Variants in MATN2 observed in about 807,000 individuals in gnomAD.
MATN2 encodes matrilin-2.
In MATN2, 69 loss-of-function variants were observed where a neutral mutation model predicts 103.2. That is an observed-to-expected ratio of 0.67 (90% CI 0.55 to 0.82). The LOEUF (loss-of-function observed/expected upper bound fraction) is 0.82, where lower values mean the gene tolerates loss of function less well. MATN2 is among the 40% of genes least tolerant of loss of function. The pLI, the probability that MATN2 is intolerant of heterozygous loss-of-function variation, is 0.00. For missense variants in MATN2, 1,023 were observed against 1,211.5 expected, an observed-to-expected ratio of 0.84 and a Z score of 2.31; for synonymous variants, 429 against 450.2, an observed-to-expected ratio of 0.95 and a Z score of 0.60.
At chr8:98,034,297 A>C in intron 18 of MATN2, 1 of 416,670 alleles carries the variant, frequency 2.4e-6, no homozygotes, top group Non-Finnish European at 4.9e-6. Context: ...AGAAAAGAGG[A>C]TTCGGTGCTT....
At chr8:97,957,696 G>A (rs993649459) in intron 4 of MATN2, among the ~76,000 whole-genome samples, 7 of 152,188 alleles carry the variant, frequency 4.6e-5, no homozygotes, top group South Asian at 2.1e-4. Flanking sequence ...AAGCTGAACC[G>A]TAGGGTCTCA....
chr8:97,960,931 C>T (rs1401045994), intron 4 of MATN2, among the ~76,000 whole-genome samples: 9 of 152,158 alleles, frequency 5.9e-5, no homozygotes, highest in African/African-American at 4.8e-5. Flanking sequence ...TCTCCTGCCT[C>T]GGCCTCCTGA....
chr8:97,944,538 T>C lies in MATN2; in HGVS notation c.835+2639T>C, dbSNP rs181844384. 2.7e-3 allele frequency among the ~76,000 whole-genome samples: 415 copies of C among 152,354 alleles called. 1 individual carries two copies. Among genetic ancestry groups the C allele is most frequent in the Non-Finnish European group, 4.4e-3 (300 of 68,028 alleles). On this transcript the variant is annotated intron_variant, in intron 4 of 18. Transcript: ENST00000254898. ...CCTTCACTGTCTGCAGATCTGGGCTTGAACCCGACCTTATCACTTACCAAC... is the reference window on the plus strand; with the variant it reads ...CCTTCACTGTCTGCAGATCTGGGCTCGAACCCGACCTTATCACTTACCAAC...
chr8:97,914,987 C>T (rs1257378863), intron 2 of MATN2, among the ~76,000 whole-genome samples: 2 of 152,008 alleles, frequency 1.3e-5, no homozygotes, highest in Admixed American at 1.3e-4. Flanking sequence ...TTTGTTGTTG[C>T]TTTGTTTTTT....
At chr8:97,936,957 G>T (rs1349318770) in intron 3 of MATN2, among the ~76,000 whole-genome samples, 1 of 152,134 alleles carries the variant, frequency 6.6e-6, no homozygotes, top group Admixed American at 6.5e-5. Flanking sequence ...CTAAAAGGAG[G>T]GGGGAGTGCA....
intron 14 of MATN2, among the ~76,000 whole-genome samples, chr8:98,030,141 A>G (rs1813957950): frequency 6.6e-6 from 1 of 152,204 alleles, no homozygotes. Flanking sequence ...CAAGCCATAA[A>G]ATAGGGCTCA....
At chr8:97,973,845 T>C (rs1032694216) in intron 5 of MATN2, among the ~76,000 whole-genome samples, 1 of 151,842 alleles carries the variant, frequency 6.6e-6, no homozygotes. Context: ...GCTGGGATTA[T>C]ATAAAAATCT....
At chr8:97,886,603 GA>G (rs1178647605) in intron 1 of MATN2, among the ~76,000 whole-genome samples, 1 of 152,166 alleles carries the variant, frequency 6.6e-6, no homozygotes, top group Non-Finnish European at 1.5e-5. Flanking sequence ...ATATTAAAAA[GA>G]GTGAGCTAGT....
At chr8:97,998,390 C>T (rs1277897137) in intron 7 of MATN2, among the ~76,000 whole-genome samples, 4 of 150,640 alleles carry the variant, frequency 2.7e-5, no homozygotes, top group East Asian at 2.0e-4. Context: ...GGCTTGGTGG[C>T]GGGCGCCTGT....
At position 97,931,393 on chromosome 8, in the gene MATN2, G is replaced by A; in HGVS notation, c.583G>A (p.Gly195Ser). 6.2e-7 allele frequency: 1 copy of A among 1,613,828 alleles called. No individual in the cohort carries two copies. The highest frequency in any genetic ancestry group is 8.5e-7 in the Non-Finnish European group (1 of 1,179,886). The change falls in exon 3 of 19, where the codon GGT becomes AGT. Residue 195 changes from glycine to serine, a missense_variant. By Grantham distance (56) the Gly-to-Ser change is moderately conservative. Transcript: ENST00000254898. This position sits in a 1 kb window ranked among gnomAD's most constrained non-coding sequence, Gnocchi z 4.1. ...CACGGGCATCCTAATCTTTGCCATT[G>A]GTGTGGGCCAGGTAGACTTCAACAC... ...RDTGILIFAI[G>S]VGQVDFNTLK...
chr8:97,999,097 T>C (rs1812697922), intron 7 of MATN2, among the ~76,000 whole-genome samples: 1 of 152,244 alleles, frequency 6.6e-6, no homozygotes, highest in Non-Finnish European at 1.5e-5. Flanking sequence ...CATAGAATAT[T>C]TGTCCTTTTG....
At chr8:98,012,809 C>G (rs1249061817) in intron 10 of MATN2, among the ~76,000 whole-genome samples, 1 of 152,206 alleles carries the variant, frequency 6.6e-6, no homozygotes, top group African/African-American at 2.4e-5. Context: ...GCCCCCAGGA[C>G]AGCTAAGACC....
intron 5 of MATN2, among the ~76,000 whole-genome samples, chr8:97,971,991 T>C (rs562789852): frequency 6.8e-6 from 1 of 146,464 alleles, no homozygotes; most frequent in African/African-American, 2.5e-5. Flanking sequence ...AGCTCAGGAG[T>C]TCGAGACCAG....
intron 2 of MATN2, among the ~76,000 whole-genome samples, chr8:97,901,535 G>A (rs1437734085): frequency 6.6e-6 from 1 of 152,208 alleles, no homozygotes; most frequent in African/African-American, 2.4e-5. Flanking sequence ...TTACAGGCGT[G>A]AGCCACTGCA....
intron 13 of MATN2, chr8:98,025,312 G>C (rs1351016864): frequency 6.3e-6 from 1 of 159,948 alleles, no homozygotes; most frequent in African/African-American, 2.4e-5. Context: ...ATGACGTTAA[G>C]CATTTTATAC....
At chr8:98,019,292 A>C (rs1451028159) in intron 12 of MATN2, among the ~76,000 whole-genome samples, 1 of 152,048 alleles carries the variant, frequency 6.6e-6, no homozygotes, top group Non-Finnish European at 1.5e-5. Context: ...GGCTCACACA[A>C]TTGTCAGGGG....
At chr8:97,957,129 C>A (rs1811169648) in intron 4 of MATN2, among the ~76,000 whole-genome samples, 1 of 152,176 alleles carries the variant, frequency 6.6e-6, no homozygotes, top group Non-Finnish European at 1.5e-5. Context: ...GAAGCCTTAA[C>A]TCCAGCCAAC....
intron 6 of MATN2, among the ~76,000 whole-genome samples, chr8:97,988,485 G>T (rs1812280153): frequency 6.6e-6 from 1 of 151,770 alleles, no homozygotes; most frequent in East Asian, 1.9e-4. Context: ...AATTAACTGG[G>T]CATGGTGGCA....
Position 97,982,889 on chromosome 8 carries a change from A to C in MATN2, c.1081+3881A>C, listed in dbSNP as rs1309196766. On this transcript the variant is annotated intron_variant, in intron 6 of 18. Coordinates refer to ENST00000254898, the MANE Select transcript of MATN2 (RefSeq NM_002380.5). The surrounding 1 kb of genome is among the most constrained non-coding windows in gnomAD (Gnocchi z 4.3). ...GGCATTAAATACACTCACATTGTGA[A>C]AAACGCATATCCTAGCCTGTCTCCT... Among the ~76,000 whole-genome samples, 1 of 152,184 alleles carries C rather than the reference A, an allele frequency of 6.6e-6. No individual in the cohort carries two copies. The highest frequency in any genetic ancestry group is 1.5e-5 in the Non-Finnish European group (1 of 68,042).
Sources: allele counts gnomAD v4.1 joint callset (sites outside exome capture counted in the v4.1 genomes callset), GRCh38; gene constraint gnomAD v4.1.1; non-coding constraint Gnocchi (gnomAD v3.1); transcripts MANE v1.5; gene names NCBI Gene and HGNC (gene_info 2026-07-23, HGNC 2026-07-21).